PUM1: variants seen among roughly 807,000 people sequenced by gnomAD.
PUM1 encodes pumilio RNA binding family member 1, also known as pumilio homolog 1.
A neutral mutation model predicts 131.8 loss-of-function variants in PUM1; 13 were observed. The observed-to-expected ratio is 0.10, with a 90% confidence interval of 0.06 to 0.16. The LOEUF is 0.16. PUM1 is among the 10% of genes least tolerant of loss of function. The probability of loss-of-function intolerance (pLI) is 1.00; values close to 1 mark genes in which losing one functional copy is unlikely to be tolerated. For missense variants in PUM1, 961 were observed against 1,512.4 expected, an observed-to-expected ratio of 0.64 and a Z score of 6.05; for synonymous variants, 509 against 556.5, an observed-to-expected ratio of 0.91 and a Z score of 1.20.
intron 4 of PUM1, 71 bp downstream of exon 4, chr1:31,006,923 C>G: frequency 8.3e-7 from 1 of 1,201,526 alleles, no homozygotes; most frequent in Non-Finnish European, 1.2e-6. Flanking sequence ...AAATTCATGA[C>G]TTGCCAATTG....
intron 17 of PUM1, among the ~76,000 whole-genome samples, chr1:30,946,918 A>G (rs901581707): frequency 2.6e-5 from 4 of 152,112 alleles, no homozygotes; most frequent in African/African-American, 9.7e-5. Flanking sequence ...AAATAAAACT[A>G]AACCAAACTA....
At chr1:31,064,695 C>T (rs1164112654) in intron 1 of PUM1, among the ~76,000 whole-genome samples, 1 of 131,582 alleles carries the variant, frequency 7.6e-6, no homozygotes, top group Non-Finnish European at 1.5e-5. Flanking sequence ...AGGTAACAAT[C>T]TAAGTTACGG....
intron 5 of PUM1, among the ~76,000 whole-genome samples, chr1:30,997,506 T>A (rs866383058): frequency 0.023 from 3,424 of 151,100 alleles, 159 homozygotes; most frequent in African/African-American, 0.078. Context: ...TTTTTTTTTT[T>A]TTTTTTTTTT....
chr1:31,059,067 C>T, intron 2 of PUM1, 137 bp downstream of exon 2: 2 of 1,026,110 alleles, frequency 1.9e-6, no homozygotes, highest in Non-Finnish European at 2.8e-6. Flanking sequence ...CAATGATCAA[C>T]CTTTATAACA....
chr1:30,975,881 G>A (rs1184271504), intron 9 of PUM1, among the ~76,000 whole-genome samples: 6 of 151,808 alleles, frequency 4.0e-5, no homozygotes, highest in Admixed American at 3.3e-4. Context: ...TCAGGAGTTC[G>A]AGACCAGCCT....
intron 9 of PUM1, among the ~76,000 whole-genome samples, chr1:30,978,494 T>C (rs1027654437): frequency 1.3e-5 from 2 of 152,252 alleles, no homozygotes; most frequent in African/African-American, 4.8e-5. Context: ...CTTCCCATCA[T>C]AACCATGCCA....
chr1:31,032,485 T>C (rs1190027466), intron 2 of PUM1, among the ~76,000 whole-genome samples: 1 of 152,156 alleles, frequency 6.6e-6, no homozygotes, highest in African/African-American at 2.4e-5. Context: ...AGCAATCTAT[T>C]TGAGTCTCAG....
intron 3 of PUM1, among the ~76,000 whole-genome samples, chr1:31,012,924 ATC>A (rs1642676269): frequency 6.6e-6 from 1 of 152,206 alleles, no homozygotes; most frequent in African/African-American, 2.4e-5. Context: ...TGTGAATTTT[ATC>A]CTCTTCTGCT....
chr1:30,999,770 G>A (rs552858133), intron 5 of PUM1, among the ~76,000 whole-genome samples: 1 of 150,410 alleles, frequency 6.6e-6, no homozygotes, highest in East Asian at 2.1e-4. Flanking sequence ...ATGAAATAAT[G>A]CATGCCTAAA....
chr1:31,025,700 C>T (rs538816386), intron 3 of PUM1, among the ~76,000 whole-genome samples: 9 of 151,936 alleles, frequency 5.9e-5, no homozygotes, highest in East Asian at 1.9e-4. Context: ...GGACTACAGG[C>T]GCACACCATC....
At chr1:31,027,665 A>G (rs1013272158) in intron 3 of PUM1, among the ~76,000 whole-genome samples, 1 of 152,214 alleles carries the variant, frequency 6.6e-6, no homozygotes, top group African/African-American at 2.4e-5. Context: ...TGTAACAAAG[A>G]AAGCAAGGAT....
intron 3 of PUM1, among the ~76,000 whole-genome samples, chr1:31,020,471 C>T (rs1411697706): frequency 2.6e-5 from 4 of 152,182 alleles, no homozygotes; most frequent in Non-Finnish European, 5.9e-5. Flanking sequence ...TTACATATTA[C>T]AGTACTTGTG....
intron 14 of PUM1, among the ~76,000 whole-genome samples, chr1:30,961,094 T>A (rs1249366407): frequency 6.6e-6 from 1 of 151,904 alleles, no homozygotes; most frequent in African/African-American, 2.4e-5. Flanking sequence ...CTTGGGAGGC[T>A]GAGGCAGGAG....
At chr1:31,046,313 G>C (rs941606327) in intron 2 of PUM1, among the ~76,000 whole-genome samples, 2 of 151,946 alleles carry the variant, frequency 1.3e-5, no homozygotes, top group African/African-American at 4.8e-5. Context: ...TTGAACCCGG[G>C]AGGTGGAGGT....
At chr1:30,938,872 GATAGAGAT>G (rs1447118952) in intron 20 of PUM1, among the ~76,000 whole-genome samples, 3 of 145,434 alleles carry the variant, frequency 2.1e-5, no homozygotes, top group African/African-American at 7.8e-5. Context: ...CTCATTCATA[GATAGAGAT>G]AGATAGATAG....
At chr1:30,942,979 C>T (rs1165699865) in intron 18 of PUM1, among the ~76,000 whole-genome samples, 1 of 152,148 alleles carries the variant, frequency 6.6e-6, no homozygotes, top group Non-Finnish European at 1.5e-5. Flanking sequence ...TGTTCCTGTA[C>T]TCCTAGCCTT....
chr1:30,959,412 T>C (rs559505493), intron 14 of PUM1, among the ~76,000 whole-genome samples: 1 of 152,312 alleles, frequency 6.6e-6, no homozygotes, highest in South Asian at 2.1e-4. Context: ...AAGTAAGATG[T>C]ATATCTGGAA....
intron 2 of PUM1, among the ~76,000 whole-genome samples, chr1:31,029,966 A>G (rs1369078137): frequency 6.6e-6 from 1 of 150,966 alleles, no homozygotes; most frequent in African/African-American, 2.4e-5. Context: ...CTGTAACCCC[A>G]GCACTTTGGG....
At chr1:31,055,572 A>G (rs1484240195) in intron 2 of PUM1, among the ~76,000 whole-genome samples, 1 of 152,188 alleles carries the variant, frequency 6.6e-6, no homozygotes, top group East Asian at 1.9e-4. Flanking sequence ...GTCCAGCCCA[A>G]AGAATTGTGT....
Sources: allele counts gnomAD v4.1 joint callset (sites outside exome capture counted in the v4.1 genomes callset), GRCh38; gene constraint gnomAD v4.1.1; transcripts MANE v1.5; gene names NCBI Gene and HGNC (gene_info 2026-07-23, HGNC 2026-07-21).